PEX5: variants seen among roughly 807,000 people sequenced by gnomAD.
PEX5 encodes peroxisomal biogenesis factor 5, also known as PTS1 receptor.
Under a neutral mutation model 82.9 loss-of-function variants are expected in PEX5, and 52 were observed. The ratio of observed to expected loss-of-function variants is 0.63; its 90% CI spans 0.50 to 0.79. The LOEUF is 0.79. Ranked by LOEUF, PEX5 falls within the 30% of genes least tolerant of loss-of-function variation. The pLI is 0.00. For missense variants in PEX5, 719 were observed against 815.2 expected (o/e 0.88, Z 1.44); for synonymous variants, 300 against 318.8 (o/e 0.94, Z 0.63).
downstream of PEX5, among the ~76,000 whole-genome samples, chr12:7,211,765 G>A (rs1432010201): frequency 6.6e-6 from 1 of 152,114 alleles, no homozygotes; most frequent in Non-Finnish European, 1.5e-5. Flanking sequence ...GAATTACATG[G>A]AAGGATTTTG....
At chr12:7,207,540 T>C in intron 10 of PEX5, 119 bp from the exon 11 acceptor site, 1 of 959,176 alleles carries the variant, frequency 1.0e-6, no homozygotes, top group South Asian at 1.3e-5. Flanking sequence ...TTGCCAGCAA[T>C]TAATTCCGGA....
At chr12:7,215,997 C>CAAA (rs1210495976), downstream of PEX5, among the ~76,000 whole-genome samples, 2 of 152,056 alleles carry the variant, frequency 1.3e-5, no homozygotes. Flanking sequence ...GATGGAGTTT[C>CAAA]ACTCTTGTTG....
At chr12:7,207,886 G>C (rs1945013766) in intron 11 of PEX5, 84 bp downstream of exon 11, 2 of 1,556,378 alleles carry the variant, frequency 1.3e-6, no homozygotes, top group East Asian at 4.5e-5. Flanking sequence ...GTGCAGATGG[G>C]TTAGGGCCTG....
chr12:7,189,711 AC>A lies in PEX5; in HGVS notation c.-54del. 1 of 364,568 alleles carries A rather than the reference AC, an allele frequency of 2.7e-6. No individual in the cohort carries two copies. Among genetic ancestry groups the A allele is most frequent in the East Asian group, 4.3e-5 (1 of 23,258 alleles). 22.6% of individuals were successfully genotyped at this position (364,568 alleles called of 1,614,324 possible). On this transcript the variant is annotated 5_prime_UTR_variant, in exon 1 of 16. Transcript: ENST00000675855. ...CTCTTCTCCCCTCCCCCAAGCCAGC[AC>A]CTGGTGCCCCGGCGGGTCGTGCGGC...
intron 12 of PEX5, 111 bp downstream of exon 12, chr12:7,208,191 AGT>A (rs2136232556): frequency 1.2e-6 from 1 of 856,306 alleles, no homozygotes; most frequent in East Asian, 2.5e-5. Context: ...TGCTATCAAG[AGT>A]GTTTTCTCAT....
downstream of PEX5, among the ~76,000 whole-genome samples, chr12:7,212,328 T>C (rs1945632356): frequency 1.3e-5 from 2 of 152,038 alleles, no homozygotes; most frequent in South Asian, 4.2e-4. Flanking sequence ...GATCTCACTA[T>C]GTTGACCAGG....
chr12:7,196,400 ATG>A lies in PEX5; in HGVS notation c.449-2607_449-2606del, dbSNP rs1281942606. Among the ~76,000 whole-genome samples the A allele has an allele frequency of 1.8e-4, 25 of 137,212 alleles. No homozygotes were observed. The South Asian group carries it at 2.6e-3, about 14-fold the overall frequency. 90.0% of individuals were successfully genotyped at this position (137,212 alleles called of 152,430 possible). A position where few individuals can be genotyped will look rare whatever the true frequency, so the allele number is the denominator to read the frequency against. On this transcript the variant is annotated intron_variant, in intron 5 of 15. Transcript: ENST00000675855. ...TGTAATAATTATGTGTCATACATAT[ATG>A]TGTCATATATAATGTAATAATTATA...
intron 17 of PEX5, chr12:7,218,368 G>A (rs1023299170): frequency 6.6e-6 from 1 of 152,168 alleles, no homozygotes; most frequent in Non-Finnish European, 1.5e-5. Flanking sequence ...GTACGACTGG[G>A]TTTTATTCAA....
At position 7,210,603 on chromosome 12, in the gene PEX5, C is replaced by T. The variant is rs1023746513; in HGVS notation, c.*380C>T. 5.5e-6 allele frequency: 2 copies of T among 360,782 alleles called. No homozygotes were observed. Among genetic ancestry groups the T allele is most frequent in the Non-Finnish European group, 1.1e-5 (2 of 187,222 alleles). 22.3% of individuals were successfully genotyped at this position (360,782 alleles called of 1,614,324 possible). On this transcript the variant is annotated 3_prime_UTR_variant, in exon 16 of 16. Coordinates refer to ENST00000675855, the MANE Select transcript of PEX5 (RefSeq NM_001351132.2). ...ATGTCTGTCCTTTCCCCCACTTTTACTGGGAATTGATAGTCCAGCTTCCTT... is the reference window on the plus strand; with the variant it reads ...ATGTCTGTCCTTTCCCCCACTTTTATTGGGAATTGATAGTCCAGCTTCCTT...
intron 3 of PEX5, 43 bp downstream of exon 3, chr12:7,190,966 C>G (rs774052507): frequency 1.3e-6 from 2 of 1,580,010 alleles, no homozygotes; most frequent in Non-Finnish European, 1.7e-6. Context: ...TTCTCTTGCC[C>G]ACTGTGTTTT....
chr12:7,206,172 C>A (rs11044332), intron 10 of PEX5, among the ~76,000 whole-genome samples: 67,224 of 152,112 alleles, frequency 0.44, 16,005 homozygotes, highest in Admixed American at 0.61. Flanking sequence ...AGGGCCAGCA[C>A]ACTGGCTTGT....
chr12:7,192,586 A>G (rs1046399450), intron 5 of PEX5, among the ~76,000 whole-genome samples: 4 of 152,222 alleles, frequency 2.6e-5, no homozygotes, highest in African/African-American at 9.6e-5. Flanking sequence ...ATTGCTCTCA[A>G]AAGTTAGCCT....
chr12:7,189,960 G>T, intron 1 of PEX5: 1 of 1,493,340 alleles, frequency 6.7e-7, no homozygotes, highest in Non-Finnish European at 8.8e-7. Context: ...CTCACCGCGT[G>T]CTGGGGCTGC....
At chr12:7,192,415 T>A (rs1403776641) in intron 5 of PEX5, among the ~76,000 whole-genome samples, 1 of 152,208 alleles carries the variant, frequency 6.6e-6, no homozygotes, top group Non-Finnish European at 1.5e-5. Flanking sequence ...GCAATTTATC[T>A]TCTTTCTTGC....
intron 17 of PEX5, among the ~76,000 whole-genome samples, chr12:7,216,998 AGTT>A (rs1385741485): frequency 2.0e-5 from 3 of 152,226 alleles, no homozygotes; most frequent in East Asian, 3.8e-4. Context: ...TCAATGTAGT[AGTT>A]ACTTTTAACC....
At position 7,207,795 on chromosome 12, in the gene PEX5, A is replaced by G. The variant is rs750074450; in HGVS notation, c.1103A>G (p.His368Arg). The change falls in exon 11 of 16, where the codon CAC becomes CGC. Residue 368 changes from histidine to arginine, a missense_variant. By Grantham distance (29) the His-to-Arg change is conservative (BLOSUM62 0). Transcript: ENST00000675855. ...FEAAVQQDPK[H>R]MEAWQYLGTT... ...GCAGCTGTGCAGCAGGATCCTAAGC[A>G]CATGGAAGTGAGTGACTCCATAGTC... The G allele has an allele frequency of 6.2e-7, 1 of 1,614,122 alleles. No individual in the cohort carries two copies. The highest frequency in any genetic ancestry group is 1.1e-5 in the South Asian group (1 of 91,074).
At chr12:7,196,472 T>G (rs1942301365) in intron 5 of PEX5, among the ~76,000 whole-genome samples, 1 of 135,052 alleles carries the variant, frequency 7.4e-6, no homozygotes, top group Non-Finnish European at 1.6e-5. Flanking sequence ...TATAATGTAA[T>G]AATTACATCA....
chr12:7,202,132 G>A (rs913117494), intron 7 of PEX5, 109 bp from the exon 8 acceptor site: 81 of 1,540,942 alleles, frequency 5.3e-5, no homozygotes, highest in Non-Finnish European at 6.4e-5. Flanking sequence ...CTTGTCTGCA[G>A]CTAGAGATGG....
At chr12:7,201,280 TAGAC>T (rs879734723) in intron 6 of PEX5, among the ~76,000 whole-genome samples, 26 of 54,830 alleles carry the variant, frequency 4.7e-4, no homozygotes, top group South Asian at 1.5e-3. Context: ...TACACACACA[TAGAC>T]ATACATGTAT....
Sources: gnomAD v4.1 joint callset for allele counts (sites outside exome capture counted in the v4.1 genomes callset) on GRCh38, gnomAD v4.1.1 for gene constraint, MANE v1.5 for transcripts, NCBI Gene and HGNC (gene_info 2026-07-23, HGNC 2026-07-21) for gene names.